The following NRL variants were observed in gnomAD, a reference collection of about 807,000 sequenced individuals.
The protein encoded by NRL is neural retina leucine zipper, also known as neural retina-specific leucine zipper protein.
Under a neutral mutation model 12.5 loss-of-function variants are expected in NRL, and 16 were observed. The observed-to-expected ratio is 1.28, with a 90% CI of 0.87 to 1.95. The LOEUF is 1.95. Among genes scored for constraint, NRL ranks in the 30% most tolerant of loss-of-function variants. The pLI is 0.00. For synonymous variants in NRL, 142 were observed against 150.9 expected (o/e 0.94, Z 0.43); for missense variants, 314 against 325.8 (o/e 0.96, Z 0.28).
chr14:24,095,263 G>T (rs945284975), intron 1 of NRL: 2 of 454,856 alleles, frequency 4.4e-6, no homozygotes, highest in South Asian at 1.6e-5. Context: ...GGGTGTGGGG[G>T]CTTCACAAGA....
chr14:24,098,020 C>G (rs977590211), intron 1 of NRL, among the ~76,000 whole-genome samples: 2 of 151,814 alleles, frequency 1.3e-5, no homozygotes, highest in African/African-American at 4.8e-5. Context: ...CCCCAGAGGG[C>G]TGGGACCTTG....
Position 24,094,795 on chromosome 14 carries a change from C to A in NRL, c.-27-11920G>T, listed in dbSNP as rs1269451910. On this transcript the variant is annotated intron_variant, in intron 1 of 2. Transcript: ENST00000561028. The surrounding 1 kb of genome is among the most constrained non-coding windows in gnomAD (Gnocchi z 4.1). ...CTCCCTCGGACCTCTAACGGGCTCTCAGCCAGCGCCCCAGGGTACTTCGAG... is the reference window on the plus strand; with the variant it reads ...CTCCCTCGGACCTCTAACGGGCTCTAAGCCAGCGCCCCAGGGTACTTCGAG... 6.6e-6 allele frequency: 9 copies of A among 1,362,944 alleles called. No individual in the cohort carries two copies. 84.4% of individuals were successfully genotyped at this position (1,362,944 alleles called of 1,614,324 possible). A position where few individuals can be genotyped will look rare whatever the true frequency, so the allele number is the denominator to read the frequency against.
chr14:24,082,392 G>A (rs1566560342), intron 2 of NRL, 76 bp downstream of exon 2: 2 of 1,586,612 alleles, frequency 1.3e-6, no homozygotes, highest in Admixed American at 1.7e-5. Context: ...ACCCCCTCTG[G>A]GAGCTCCCCT....
At chr14:24,103,487 T>C (rs774827137) in intron 1 of NRL, 1 of 1,530,660 alleles carries the variant, frequency 6.5e-7, no homozygotes, top group Non-Finnish European at 8.8e-7. Flanking sequence ...GAAGATTCCT[T>C]ACCCATCTTG....
intron 1 of NRL, among the ~76,000 whole-genome samples, chr14:24,106,158 T>A (rs1266282843): frequency 6.6e-6 from 1 of 152,204 alleles, no homozygotes; most frequent in Non-Finnish European, 1.5e-5. Context: ...TGATCTCACA[T>A]GAGTCAGGGG....
intron 1 of NRL, among the ~76,000 whole-genome samples, chr14:24,083,431 A>G (rs953408261): frequency 1.3e-5 from 2 of 152,228 alleles, no homozygotes; most frequent in Non-Finnish European, 2.9e-5. Flanking sequence ...GGATTAATCA[A>G]TCAATGAATC....
At chr14:24,100,193 T>G in intron 1 of NRL, 20 of 1,614,194 alleles carry the variant, frequency 1.2e-5, no homozygotes, top group Non-Finnish European at 1.7e-5. Context: ...ACCTCCTGGC[T>G]GGGCAAACCC....
intron 1 of NRL, among the ~76,000 whole-genome samples, chr14:24,109,430 T>G (rs1038785691): frequency 5.3e-5 from 8 of 152,168 alleles, no homozygotes; most frequent in African/African-American, 1.9e-4. Flanking sequence ...GCGTGGTGGC[T>G]CACACCTGTA....
chr14:24,095,497 C>G (rs1418510959), intron 1 of NRL: 3 of 304,702 alleles, frequency 9.8e-6, no homozygotes, highest in Non-Finnish European at 2.0e-5. Flanking sequence ...ATGCTCTGAG[C>G]TTTCTTCCTT....
intron 1 of NRL, chr14:24,103,737 G>A (rs750991928): frequency 6.2e-7 from 1 of 1,614,166 alleles, no homozygotes; most frequent in Non-Finnish European, 8.5e-7. Context: ...AGAGGGGGAG[G>A]ACAGTGCCCG....
intron 1 of NRL, among the ~76,000 whole-genome samples, chr14:24,090,748 C>T (rs1291415494): frequency 6.6e-6 from 1 of 152,214 alleles, no homozygotes; most frequent in Non-Finnish European, 1.5e-5. Flanking sequence ...GTGGGCCAGG[C>T]TCTCCCGGCA....
At chr14:24,111,788 A>T (rs2037424570) in intron 1 of NRL, among the ~76,000 whole-genome samples, 1 of 149,120 alleles carries the variant, frequency 6.7e-6, no homozygotes, top group African/African-American at 2.5e-5. Context: ...GCAAACAGGG[A>T]CAATTTGACT....
chr14:24,095,430 T>C (rs2036825361), intron 1 of NRL: 1 of 351,530 alleles, frequency 2.8e-6, no homozygotes, highest in African/African-American at 2.1e-5. Flanking sequence ...TCATCTATCC[T>C]GCTTTAGCGG....
chr14:24,096,948 C>A, intron 1 of NRL: 1 of 1,613,506 alleles, frequency 6.2e-7, no homozygotes, highest in Non-Finnish European at 8.5e-7. Flanking sequence ...AGCATCCAGA[C>A]CCTGCGAGTG....
chr14:24,096,733 C>CATCCCACACACCAA (rs1403109851), intron 1 of NRL, among the ~76,000 whole-genome samples: 4 of 152,172 alleles, frequency 2.6e-5, no homozygotes, highest in African/African-American at 9.7e-5. Context: ...ATACATGTGT[C>CATCCCACACACCAA]CTGAACACAT....
intron 1 of NRL, among the ~76,000 whole-genome samples, chr14:24,092,859 A>T (rs1174644545): frequency 6.6e-6 from 1 of 152,236 alleles, no homozygotes; most frequent in Admixed American, 6.5e-5. Context: ...ATTGCTCGCC[A>T]TCTCCCTGCT....
rs376631075 is a variant in NRL at position 24,102,799 on chromosome 14, G to A, written c.-28+11923C>T. Reference sequence around the variant, plus strand: ...ATCCCAACTCTCGATTTTGTGCCCCGGCTCGCCAGTGCCCCATCATGGACC... The same window carrying A: ...ATCCCAACTCTCGATTTTGTGCCCCAGCTCGCCAGTGCCCCATCATGGACC... On this transcript the variant is annotated intron_variant, in intron 1 of 2. Transcript: ENST00000561028. 74 of 1,613,904 alleles carry A rather than the reference G, an allele frequency of 4.6e-5. 1 individual carries two copies. The South Asian group carries it at 6.6e-4, about 14-fold the overall frequency.
rs1443818667 is a variant in NRL at position 24,094,716 on chromosome 14, C to T, written c.-27-11841G>A. The T allele has an allele frequency of 4.0e-6, 6 of 1,504,936 alleles. No individual in the cohort carries two copies. In the African/African-American group the frequency reaches 5.5e-5, roughly 14 times the overall value. 93.2% of individuals were successfully genotyped at this position (1,504,936 alleles called of 1,614,324 possible). On this transcript the variant is annotated intron_variant, in intron 1 of 2. Transcript: ENST00000561028. This position sits in a 1 kb window ranked among gnomAD's most constrained non-coding sequence, Gnocchi z 4.1. ...ACTCTCAGAACTTCCTCTCTCTCCT[C>T]GCTCCTCTCTGCTGAGCCAGGTCTC... is the stretch of plus-strand genomic sequence containing the variant.
At chr14:24,104,147 A>G (rs924618637) in intron 1 of NRL, 1 of 596,842 alleles carries the variant, frequency 1.7e-6, no homozygotes, top group African/African-American at 1.9e-5. Flanking sequence ...TGCTGTTTTC[A>G]TTTCCCACCT....
Sources: allele counts gnomAD v4.1 joint callset (sites outside exome capture counted in the v4.1 genomes callset), GRCh38; gene constraint gnomAD v4.1.1; non-coding constraint Gnocchi (gnomAD v3.1); transcripts MANE v1.5; gene names NCBI Gene and HGNC (gene_info 2026-07-23, HGNC 2026-07-21).